The following DMD variants were observed in gnomAD, a reference collection of about 807,000 sequenced individuals.
DMD encodes the protein dystrophin.
DMD carries 63 observed loss-of-function variants against 330.1 expected under a neutral mutation model. The observed-to-expected ratio is 0.19, with a 90% confidence interval of 0.16 to 0.24. The LOEUF (loss-of-function observed/expected upper bound fraction) is 0.24, where lower values mean the gene tolerates loss of function less well. Among genes scored for constraint, DMD ranks in the 10% least tolerant of loss-of-function variants. The pLI, the probability that DMD is intolerant of heterozygous loss-of-function variation, is 1.00. For synonymous variants in DMD, 1,223 were observed against 959.8 expected, an observed-to-expected ratio of 1.27 and a Z score of -5.07; for missense variants, 3,344 against 2,684.1, an observed-to-expected ratio of 1.25 and a Z score of -5.43.
At chrX:32,462,048 A>G (rs768594992) in intron 25 of DMD, among the ~76,000 whole-genome samples, 1 of 110,874 alleles carries the variant, frequency 9.0e-6, no homozygotes, top group Non-Finnish European at 1.9e-5. Context: ...AGCAGTAACC[A>G]AAGACCAACT....
intron 7 of DMD, among the ~76,000 whole-genome samples, chrX:32,783,222 G>GTA (rs2075007047): frequency 1.1e-5 from 1 of 93,040 alleles, no homozygotes; most frequent in Non-Finnish European, 2.1e-5. Context: ...GTGTATATAC[G>GTA]TGTATACGTA....
chrX:33,187,003 T>C (rs1200409229), intron 1 of DMD, among the ~76,000 whole-genome samples: 1 of 112,346 alleles, frequency 8.9e-6, no homozygotes, highest in Non-Finnish European at 1.9e-5. Context: ...CAAGTTGAAC[T>C]TAACAAAGTA....
chrX:31,967,355 T>TGC (rs1168412972), intron 45 of DMD, among the ~76,000 whole-genome samples: 3 of 92,320 alleles, frequency 3.2e-5, no homozygotes, highest in Non-Finnish European at 6.6e-5. Context: ...TGTGTGTGTG[T>TGC]TTAGGTCAAC....
intron 44 of DMD, chrX:32,102,052 A>T (rs1427239709): frequency 1.8e-5 from 2 of 111,345 alleles, no homozygotes; most frequent in South Asian, 7.6e-4. Context: ...CATGAGCAAA[A>T]AGGCTCTAAC....
intron 60 of DMD, among the ~76,000 whole-genome samples, chrX:31,427,328 C>T (rs770375715): frequency 9.0e-6 from 1 of 111,438 alleles, no homozygotes; most frequent in South Asian, 3.8e-4. Context: ...AATGTCACCC[C>T]TTGTGCAAAA....
chrX:31,161,455 A>G (rs2038796495), intron 74 of DMD, among the ~76,000 whole-genome samples: 1 of 112,189 alleles, frequency 8.9e-6, no homozygotes, highest in African/African-American at 3.2e-5. Context: ...AGAATTCAGT[A>G]TGTCTGATAC....
chrX:32,770,174 A>G (rs766254709), intron 7 of DMD, among the ~76,000 whole-genome samples: 1 of 111,966 alleles, frequency 8.9e-6, no homozygotes, highest in South Asian at 3.7e-4. Context: ...ATGGGGTTGT[A>G]TTAACAAGAG....
At chrX:31,962,833 A>G (rs1168929279) in intron 45 of DMD, among the ~76,000 whole-genome samples, 1 of 111,593 alleles carries the variant, frequency 9.0e-6, no homozygotes, top group Non-Finnish European at 1.9e-5. Flanking sequence ...TTGAGTACAG[A>G]GCAAGCGGAC....
chrX:33,304,847 C>T (rs1244553118), intron 1 of DMD, among the ~76,000 whole-genome samples: 1 of 103,410 alleles, frequency 9.7e-6, no homozygotes, highest in Non-Finnish European at 2.0e-5. Context: ...CAGAGAAATG[C>T]AAATCAAAAC....
rs762828393 is a variant in DMD at position 32,882,767 on chromosome X, AAAAAT to A, written c.94-32952_94-32948del. 2.0e-3 allele frequency among the ~76,000 whole-genome samples: 230 copies of A among 112,280 alleles called. 9 individuals carry two copies. Among genetic ancestry groups the A allele is most frequent in the Non-Finnish European group, 1.6e-3 (85 of 53,306 alleles). ...TTTTTCAAAGTCAACATGAATAGTA[AAAAAT>A]AAAATATTGTCAAAAATCCACCTGG... On this transcript the variant is annotated intron_variant, in intron 2 of 78. Coordinates refer to ENST00000357033, the MANE Select transcript of DMD (RefSeq NM_004006.3).
intron 16 of DMD, among the ~76,000 whole-genome samples, chrX:32,565,272 T>G (rs1165473290): frequency 1.8e-5 from 2 of 111,780 alleles, no homozygotes; most frequent in African/African-American, 6.5e-5. Context: ...TCAAAAGACC[T>G]GAACCCTAGT....
intron 34 of DMD, among the ~76,000 whole-genome samples, chrX:32,371,238 G>C (rs1457654678): frequency 1.8e-5 from 2 of 111,548 alleles, no homozygotes; most frequent in South Asian, 3.7e-4. Context: ...AAATAAACGT[G>C]AAAAACACGG....
chrX:31,321,402 T>A (rs917376976), intron 62 of DMD, among the ~76,000 whole-genome samples: 12 of 108,231 alleles, frequency 1.1e-4, no homozygotes, highest in Non-Finnish European at 2.1e-4. Flanking sequence ...CTGACCAATA[T>A]GGTGAAACCT....
intron 44 of DMD, among the ~76,000 whole-genome samples, chrX:32,004,212 T>C: frequency 9.0e-6 from 1 of 111,159 alleles, no homozygotes; most frequent in African/African-American, 3.3e-5. Flanking sequence ...ATACTACAAT[T>C]ACCCCTACTT....
At chrX:32,693,417 G>A (rs1427072345) in intron 9 of DMD, among the ~76,000 whole-genome samples, 1 of 111,861 alleles carries the variant, frequency 8.9e-6, no homozygotes, top group East Asian at 2.8e-4. Context: ...AAAGAAGTAT[G>A]TTTTTGTCCC....
chrX:32,124,259 A>G (rs2096651215), intron 44 of DMD, among the ~76,000 whole-genome samples: 1 of 112,564 alleles, frequency 8.9e-6, no homozygotes, highest in Non-Finnish European at 1.9e-5. Context: ...ATTAAGGAAG[A>G]GGAAATCAAA....
chrX:31,388,986 T>C (rs979763387), intron 60 of DMD, among the ~76,000 whole-genome samples: 1 of 112,617 alleles, frequency 8.9e-6, no homozygotes, highest in Non-Finnish European at 1.9e-5. Context: ...AAAGTTAAAC[T>C]TACAGAAAAT....
At chrX:32,614,581 G>C in intron 11 of DMD, 128 bp from the exon 12 acceptor site, 1 of 567,774 alleles carries the variant, frequency 1.8e-6, no homozygotes, top group East Asian at 3.6e-5. Context: ...TGGACATTGA[G>C]AAGGATGTAA....
chrX:33,288,725 C>A (rs2053470338), intron 1 of DMD, among the ~76,000 whole-genome samples: 1 of 111,938 alleles, frequency 8.9e-6, no homozygotes, highest in African/African-American at 3.2e-5. Context: ...TTTCTCTGTA[C>A]TGAATGTCTT....
Sources: allele counts gnomAD v4.1 joint callset (sites outside exome capture counted in the v4.1 genomes callset), GRCh38; gene constraint gnomAD v4.1.1; transcripts MANE v1.5; gene names NCBI Gene and HGNC (gene_info 2026-07-23, HGNC 2026-07-21).